Variants in KBTBD3 observed in about 807,000 individuals in gnomAD.
KBTBD3 encodes the protein kelch repeat and BTB domain-containing protein 3.
In KBTBD3, 38 loss-of-function variants were observed where a neutral mutation model predicts 49.6. The observed-to-expected ratio is 0.77, with a 90% CI of 0.59 to 1.00. The LOEUF is 1.00. KBTBD3 is among the 50% of genes least tolerant of loss of function. The pLI is 0.00. For synonymous variants in KBTBD3, 214 were observed against 250.4 expected (o/e 0.85, Z 1.37); for missense variants, 661 against 712.0 (o/e 0.93, Z 0.81).
At chr11:106,059,141 G>C in intron 2 of KBTBD3, 32 bp from the exon 3 acceptor site, 1 of 1,257,300 alleles carries the variant, frequency 8.0e-7, no homozygotes, top group Non-Finnish European at 1.1e-6. Context: ...CGATGTAGTA[G>C]AGACCTAATG....
In KBTBD3 at chr11:106,069,719, T is replaced by A. The variant is rs573552596; in HGVS notation, c.-13+6788A>T. On this transcript the variant is annotated intron_variant, in intron 2 of 3. Coordinates refer to ENST00000531837, the MANE Select transcript of KBTBD3 (RefSeq NM_198439.3). The stretch of plus-strand genomic sequence containing the variant: ...TGATATAAAGGTTTAACACATTTTT[T>A]ATCAAAATCCTGGCACAATTTTTTG... 1.6e-4 allele frequency among the ~76,000 whole-genome samples: 24 copies of A among 152,204 alleles called. No homozygotes were observed. In the South Asian group the frequency reaches 4.1e-3, roughly 26 times the overall value.
rs1393706140 is a variant in KBTBD3 at position 106,053,367 on chromosome 11, G to T, written c.1322C>A (p.Pro441His). 1 of 1,613,170 alleles carries T rather than the reference G, an allele frequency of 6.2e-7. No individual in the cohort carries two copies. Among genetic ancestry groups the T allele is most frequent in the South Asian group, 1.1e-5 (1 of 91,064 alleles). ...SKEWISVSPLPRGIYYPEAST... is the reference protein window; with the variant it reads ...SKEWISVSPLHRGIYYPEAST... ...TGCTTCTGGATAGTATATGCCTCTG[G>T]GTAATGGGCTAACAGATATCCATTC... Residue 441 changes from proline to histidine, a missense_variant, in exon 4 of 4, where the codon CCC becomes CAC. Pro to His is a moderately conservative substitution (Grantham distance 77). Transcript: ENST00000531837.
intron 3 of KBTBD3, among the ~76,000 whole-genome samples, chr11:106,058,552 T>G (rs1426766110): frequency 6.6e-6 from 1 of 151,900 alleles, no homozygotes; most frequent in Non-Finnish European, 1.5e-5. Flanking sequence ...GCCTCCTGTA[T>G]AGCTGGGATT....
intron 2 of KBTBD3, among the ~76,000 whole-genome samples, chr11:106,065,362 A>G (rs1860789014): frequency 6.6e-6 from 1 of 152,184 alleles, no homozygotes; most frequent in African/African-American, 2.4e-5. Context: ...AGCACTTGCT[A>G]CATACCCAGT....
chr11:106,054,472 C>T lies in KBTBD3; in HGVS notation c.234-17G>A. On this transcript the variant is annotated splice_polypyrimidine_tract_variant and intron_variant, in intron 3 of 3. Transcript: ENST00000531837. ...AACATAGCCCTGCAAAAATAAAGAA[C>T]ACAGAAAAACAGCAAGAATATTTTA... is the stretch of plus-strand genomic sequence containing the variant. The T allele has an allele frequency of 2.7e-6, 4 of 1,473,250 alleles. No individual in the cohort carries two copies. Among genetic ancestry groups the T allele is most frequent in the Non-Finnish European group, 3.6e-6 (4 of 1,109,680 alleles). 91.3% of individuals were successfully genotyped at this position (1,473,250 alleles called of 1,614,324 possible). A position where few individuals can be genotyped will look rare whatever the true frequency, so the allele number is the denominator to read the frequency against.
In KBTBD3 at chr11:106,077,010, G is replaced by C. The variant is rs1861044726; in HGVS notation, c.-214+302C>G. ...CGCACTGGGGATAGTGCCTCTGCTCGGCCTTCGGAGGGAGGGTTTCAGGTA... is the reference window on the plus strand; with the variant it reads ...CGCACTGGGGATAGTGCCTCTGCTCCGCCTTCGGAGGGAGGGTTTCAGGTA... On this transcript the variant is annotated intron_variant, in intron 1 of 3. Transcript: ENST00000531837. 3.9e-5 allele frequency among the ~76,000 whole-genome samples: 6 copies of C among 152,300 alleles called. No homozygotes were observed. The South Asian group carries it at 8.3e-4, about 21-fold the overall frequency.
At chr11:106,065,302 G>A (rs544454472) in intron 2 of KBTBD3, among the ~76,000 whole-genome samples, 8 of 152,196 alleles carry the variant, frequency 5.3e-5, no homozygotes, top group Middle Eastern at 3.4e-3. Flanking sequence ...CACCGCGCCC[G>A]GCCTGTTTTT....
At chr11:106,067,817 T>C (rs74517187) in intron 2 of KBTBD3, among the ~76,000 whole-genome samples, 12,424 of 152,020 alleles carry the variant, frequency 0.082, 541 homozygotes, top group Middle Eastern at 0.15. Context: ...GGTCTACATA[T>C]ACCAATTAAA....
chr11:106,070,074 C>A (rs932699213), intron 2 of KBTBD3, among the ~76,000 whole-genome samples: 7 of 151,916 alleles, frequency 4.6e-5, no homozygotes, highest in African/African-American at 7.2e-5. Context: ...AAAAAATGAA[C>A]CTTGACCTAT....
At chr11:106,055,834 T>C (rs923919419) in intron 3 of KBTBD3, among the ~76,000 whole-genome samples, 8 of 152,236 alleles carry the variant, frequency 5.3e-5, no homozygotes, top group African/African-American at 1.9e-4. Flanking sequence ...TTTTAAAAAA[T>C]GTTTTCTATC....
At chr11:106,072,839 A>T (rs74813307) in intron 2 of KBTBD3, among the ~76,000 whole-genome samples, 1 of 152,296 alleles carries the variant, frequency 6.6e-6, no homozygotes, top group East Asian at 1.9e-4. Context: ...ACAAGCACCG[A>T]ATTAGGCACT....
intron 2 of KBTBD3, among the ~76,000 whole-genome samples, chr11:106,068,089 G>A (rs906712934): frequency 1.3e-5 from 2 of 149,574 alleles, no homozygotes; most frequent in Admixed American, 6.7e-5. Flanking sequence ...TGATAGAGCT[G>A]TAAAATATGT....
chr11:106,052,879 C>T lies in KBTBD3; in HGVS notation c.1810G>A (p.Asp604Asn), dbSNP rs367921326. ...GCACATAGATTAGAAAACCATGGGT[C>T]TCTGTATTTATTAAACTGAATCACC... ...CQVIQFNKYR[D>N]PWFSNLCA is the part of the protein sequence containing the mutation. The change falls in exon 4 of 4, where the codon GAC (aspartate) becomes AAC (asparagine). Residue 604 changes from aspartate (D) to asparagine (N), a missense_variant. Asp to Asn is a conservative substitution (Grantham distance 23). Coordinates refer to ENST00000531837, the MANE Select transcript of KBTBD3 (RefSeq NM_198439.3). The T allele has an allele frequency of 2.5e-6, 4 of 1,613,070 alleles. No homozygotes were observed. In the African/African-American group the frequency reaches 5.3e-5, roughly 22 times the overall value.
In KBTBD3 at chr11:106,054,402, G is replaced by A. The variant is rs199538908; in HGVS notation, c.287C>T (p.Thr96Ile). 199 of 1,599,808 alleles carry A rather than the reference G, an allele frequency of 1.2e-4. 1 individual carries two copies. The Admixed American group carries it at 3.3e-3, about 26-fold the overall frequency. ...TTTTACTGCCTTGGAGGACAAATTAGTAATGGTAACACTTCCATCATCTCT... is the reference window on the plus strand; with the variant it reads ...TTTTACTGCCTTGGAGGACAAATTAATAATGGTAACACTTCCATCATCTCT... Reference protein sequence around the residue: ...KERDDGSVTITNLSSKAVKAF... With the variant: ...KERDDGSVTIINLSSKAVKAF... The change falls in exon 4 of 4, where the codon ACT becomes ATT. Residue 96 changes from threonine (T) to isoleucine (I), a missense_variant. By Grantham distance (89) the Thr-to-Ile change is moderately conservative. Transcript: ENST00000531837.
intron 3 of KBTBD3, among the ~76,000 whole-genome samples, chr11:106,055,054 G>A (rs1240803546): frequency 6.6e-6 from 1 of 152,008 alleles, no homozygotes; most frequent in Non-Finnish European, 1.5e-5. Context: ...AACAATAACA[G>A]TGTACCACAT....
rs1384170878 is a variant in KBTBD3 at position 106,053,559 on chromosome 11, C to A, written c.1130G>T (p.Cys377Phe). ...CAAGAAGAAATCATTTTTCACTGGACAGTAGCACCAGGTTTGATCAGTGGC... is the reference window on the plus strand; with the variant it reads ...CAAGAAGAAATCATTTTTCACTGGAAAGTAGCACCAGGTTTGATCAGTGGC... ...HDATDQTWCYCPVKNDFFLVS... is the reference protein window; with the variant it reads ...HDATDQTWCYFPVKNDFFLVS... The change falls in exon 4 of 4, where the codon TGT becomes TTT. Residue 377 changes from cysteine (C) to phenylalanine (F), a missense_variant. Physicochemically the swap from Cys to Phe is radical, Grantham distance 205 (BLOSUM62 -2). Transcript: ENST00000531837. 4 of 1,613,776 alleles carry A rather than the reference C, an allele frequency of 2.5e-6. No homozygotes were observed. Among genetic ancestry groups the A allele is most frequent in the Non-Finnish European group, 3.4e-6 (4 of 1,179,886 alleles).
intron 2 of KBTBD3, among the ~76,000 whole-genome samples, chr11:106,066,798 CCTG>C: frequency 2.0e-5 from 3 of 150,586 alleles, no homozygotes. Context: ...CCCTATTTCT[CCTG>C]CTAAGTACAA....
intron 2 of KBTBD3, among the ~76,000 whole-genome samples, chr11:106,066,153 A>G (rs896038891): frequency 2.0e-5 from 3 of 152,204 alleles, no homozygotes; most frequent in African/African-American, 7.2e-5. Context: ...CACATCATAC[A>G]GCAAAATGTT....
chr11:106,072,305 C>T (rs568892349), intron 2 of KBTBD3, among the ~76,000 whole-genome samples: 2 of 152,210 alleles, frequency 1.3e-5, no homozygotes, highest in South Asian at 2.1e-4. Flanking sequence ...TTTAGGAATG[C>T]CTCAGCCAAT....
Sources: gnomAD v4.1 joint callset for allele counts (sites outside exome capture counted in the v4.1 genomes callset) on GRCh38, gnomAD v4.1.1 for gene constraint, MANE v1.5 for transcripts, NCBI Gene and HGNC (gene_info 2026-07-23, HGNC 2026-07-21) for gene names.